The following CHD5 variants were observed in gnomAD, a reference collection of about 807,000 sequenced individuals.
The protein encoded by CHD5 is chromodomain helicase DNA binding protein 5, also known as ATP-dependent chromatin remodeler CHD5.
A neutral mutation model predicts 230.3 loss-of-function variants in CHD5; 69 were observed. The ratio of observed to expected loss-of-function variants is 0.30; its 90% CI spans 0.25 to 0.37. The LOEUF (loss-of-function observed/expected upper bound fraction) is 0.37. Ranked by LOEUF, CHD5 falls within the 10% of genes least tolerant of loss-of-function variation. CHD5 has a pLI of 1.00. For synonymous variants in CHD5, 1,064 were observed against 1,065.9 expected (o/e 1.00, Z 0.03); for missense variants, 1,827 against 2,622.8 (o/e 0.70, Z 6.63).
rs778128816 is a variant in CHD5, at chr1:6,109,894, C to A, written c.5479G>T (p.Ala1827Ser). The A allele has an allele frequency of 2.5e-6, 4 of 1,612,054 alleles. No individual in the cohort carries two copies. The highest frequency in any genetic ancestry group is 1.3e-5 in the African/African-American group (1 of 74,962). Residue 1827 changes from alanine to serine, a missense_variant, in exon 38 of 42, where the codon GCC (alanine) becomes TCC (serine). Ala to Ser is a moderately conservative substitution (Grantham distance 99). Transcript: ENST00000262450. ...DPNHPAMALN[A>S]RLAEVECLAE... ...AGGCACTCCACTTCAGCCAGGCGGG[C>A]GTTGAGGGCCATGGCGGGGTGGTTG... is the stretch of plus-strand genomic sequence containing the variant.
At chr1:6,111,720 G>T in intron 36 of CHD5, 55 bp downstream of exon 36, 1 of 1,408,294 alleles carries the variant, frequency 7.1e-7, no homozygotes, top group Non-Finnish European at 1.0e-6. Context: ...GGCTCTCCCC[G>T]AGGTCCACGG....
At chr1:6,162,486 G>C (rs1667193352) in intron 2 of CHD5, among the ~76,000 whole-genome samples, 1 of 152,190 alleles carries the variant, frequency 6.6e-6, no homozygotes. Context: ...GAGCCAGGGT[G>C]GAGGGGAGGG....
chr1:6,116,516 CAA>C (rs1315517912), intron 33 of CHD5, among the ~76,000 whole-genome samples: 1 of 152,118 alleles, frequency 6.6e-6, no homozygotes, highest in African/African-American at 2.4e-5. Context: ...TCACCAAAGA[CAA>C]AGAGAATGTC....
intron 17 of CHD5, among the ~76,000 whole-genome samples, chr1:6,135,773 G>A (rs1442454920): frequency 6.6e-6 from 1 of 152,160 alleles, no homozygotes; most frequent in Non-Finnish European, 1.5e-5. Flanking sequence ...CACTTTGGGA[G>A]GCCGAGACGG....
rs192304439 is a variant in CHD5 at position 6,145,214 on chromosome 1, C to T, written c.1802+998G>A. Among the ~76,000 whole-genome samples the T allele has an allele frequency of 1.9e-3, 286 of 152,246 alleles. 1 individual carries two copies. The highest frequency in any genetic ancestry group is 6.8e-3 in the Middle Eastern group (2 of 292). ...CAGCCTCTGGCAAGCTCCTGTCACC[C>T]GTGCAGCAGCCTGTTCCCTAAAAGG... On this transcript the variant is annotated intron_variant, in intron 11 of 41. Coordinates refer to ENST00000262450, the MANE Select transcript of CHD5 (RefSeq NM_015557.3).
intron 39 of CHD5, 41 bp from the exon 40 acceptor site, chr1:6,106,550 CCCACCCAGCCT>C: frequency 6.5e-7 from 1 of 1,550,272 alleles, no homozygotes; most frequent in Admixed American, 2.0e-5. Flanking sequence ...TCTCAGGCCC[CCCACCCAGCCT>C]CCACCCAGGG....
intron 33 of CHD5, among the ~76,000 whole-genome samples, chr1:6,115,306 T>C (rs1055812537): frequency 1.3e-5 from 2 of 151,926 alleles, no homozygotes; most frequent in Non-Finnish European, 2.9e-5. Context: ...TTGCAGAATT[T>C]AATTGCAGAA....
At chr1:6,109,639 CA>C (rs1666253143) in intron 38 of CHD5, among the ~76,000 whole-genome samples, 155 bp downstream of exon 38, 1 of 152,172 alleles carries the variant, frequency 6.6e-6, no homozygotes, top group Admixed American at 6.5e-5. Flanking sequence ...GGTCTGATGA[CA>C]GGACTGTTCC....
chr1:6,142,360 C>G lies in CHD5; in HGVS notation c.2236-32G>C. The G allele has an allele frequency of 6.3e-7, 1 of 1,596,148 alleles. No individual in the cohort carries two copies. Among genetic ancestry groups the G allele is most frequent in the Non-Finnish European group, 8.6e-7 (1 of 1,166,838 alleles). On this transcript the variant is annotated intron_variant, in intron 14 of 41. Coordinates refer to ENST00000262450, the MANE Select transcript of CHD5 (RefSeq NM_015557.3). The surrounding 1 kb of genome is among the most constrained non-coding windows in gnomAD (Gnocchi z 5.2). The stretch of plus-strand genomic sequence containing the variant: ...AGAGAGGCCGATGCCGTGAGACCAC[C>G]TGCCCTTGGCCAGGACCAGCCACCC...
Position 6,101,928 on chromosome 1 carries a change from G to A in CHD5, c.*3546C>T. 1 of 396,948 alleles carries A rather than the reference G, an allele frequency of 2.5e-6. No individual in the cohort carries two copies. The highest frequency in any genetic ancestry group is 5.0e-6 in the Non-Finnish European group (1 of 198,980). 24.6% of individuals were successfully genotyped at this position (396,948 alleles called of 1,614,324 possible). ...ACCAGACAAGCCACGGCTCACAGGG[G>A]AGCCTGGCTTCCAAAGCTGGACCCG... On this transcript the variant is annotated 3_prime_UTR_variant, in exon 42 of 42. Transcript: ENST00000262450.
Position 6,112,288 on chromosome 1 carries a change from C to A in CHD5, c.5003-11G>T. On this transcript the variant is annotated splice_polypyrimidine_tract_variant and intron_variant, in intron 34 of 41. Transcript: ENST00000262450. ...CAGCCTTGGTGTCATCTGCCGGGGA[C>A]AGATCACATTCATTCATCCATCCAT... 1 of 1,612,962 alleles carries A rather than the reference C, an allele frequency of 6.2e-7. No individual in the cohort carries two copies. Among genetic ancestry groups the A allele is most frequent in the East Asian group, 2.2e-5 (1 of 44,860 alleles).
intron 1 of CHD5, among the ~76,000 whole-genome samples, chr1:6,170,529 G>A (rs1667320983): frequency 6.6e-6 from 1 of 152,172 alleles, no homozygotes. Flanking sequence ...TGGAAGGTGG[G>A]GGCTGCACCA....
At chr1:6,161,749 G>A (rs1667181072) in intron 2 of CHD5, among the ~76,000 whole-genome samples, 1 of 152,182 alleles carries the variant, frequency 6.6e-6, no homozygotes, top group African/African-American at 2.4e-5. Flanking sequence ...CAGGAGATCT[G>A]AGAGACACGC....
intron 33 of CHD5, among the ~76,000 whole-genome samples, chr1:6,114,209 C>T (rs958605657): frequency 6.6e-5 from 10 of 151,474 alleles, no homozygotes; most frequent in African/African-American, 9.7e-5. Flanking sequence ...GCCGAGATCA[C>T]GCCACTGCAC....
chr1:6,140,939 C>T (rs921330515), intron 15 of CHD5, among the ~76,000 whole-genome samples: 1 of 148,938 alleles, frequency 6.7e-6, no homozygotes, highest in Non-Finnish European at 1.5e-5. Flanking sequence ...GCACTCTAGC[C>T]TGGGTGACAG....
At chr1:6,113,786 C>T (rs149096112) in intron 33 of CHD5, among the ~76,000 whole-genome samples, 2 of 152,292 alleles carry the variant, frequency 1.3e-5, no homozygotes, top group Admixed American at 6.5e-5. Context: ...ACACCCAACG[C>T]CTTGTCCTCG....
rs371350076 is a variant in CHD5, at chr1:6,144,171, C to G, written c.1803-16G>C. 7 of 1,614,022 alleles carry G rather than the reference C, an allele frequency of 4.3e-6. No individual in the cohort carries two copies. Among genetic ancestry groups the G allele is most frequent in the Non-Finnish European group, 5.9e-6 (7 of 1,180,034 alleles). Reference sequence around the variant, plus strand: ...CTTGTCAAAGCTGCAACACGGTGAACAGATGTGGGTCGCTCAGAGCAGTGG... The same window carrying G: ...CTTGTCAAAGCTGCAACACGGTGAAGAGATGTGGGTCGCTCAGAGCAGTGG... On this transcript the variant is annotated splice_polypyrimidine_tract_variant and intron_variant, in intron 11 of 41. Coordinates refer to ENST00000262450, the MANE Select transcript of CHD5 (RefSeq NM_015557.3).
intron 2 of CHD5, among the ~76,000 whole-genome samples, chr1:6,162,289 G>A (rs1385902516): frequency 6.6e-6 from 1 of 152,072 alleles, no homozygotes; most frequent in Non-Finnish European, 1.5e-5. Context: ...AGGAGGCTGA[G>A]GCAGGAGAAT....
intron 1 of CHD5, among the ~76,000 whole-genome samples, chr1:6,174,203 G>A (rs1667383345): frequency 6.6e-6 from 1 of 152,078 alleles, no homozygotes; most frequent in Non-Finnish European, 1.5e-5. Flanking sequence ...TGACCTCAGG[G>A]GAGACGAAAA....
Sources: gnomAD v4.1 joint callset for allele counts (sites outside exome capture counted in the v4.1 genomes callset) on GRCh38, gnomAD v4.1.1 for gene constraint, Gnocchi (gnomAD v3.1) non-coding constraint, MANE v1.5 for transcripts, NCBI Gene and HGNC (gene_info 2026-07-23, HGNC 2026-07-21) for gene names.